RIPOR2: variants seen among roughly 807,000 people sequenced by gnomAD.
The protein encoded by RIPOR2 is rho family-interacting cell polarization regulator 2.
RIPOR2 carries 39 observed loss-of-function variants against 114.5 expected under a neutral mutation model. That is an observed-to-expected ratio of 0.34 (90% confidence interval 0.26 to 0.44). The LOEUF (loss-of-function observed/expected upper bound fraction) is 0.44, where lower values mean the gene tolerates loss of function less well. RIPOR2 is among the 20% of genes least tolerant of loss of function. The probability of loss-of-function intolerance (pLI) is 1.00; values close to 1 mark genes in which losing one functional copy is unlikely to be tolerated. For missense variants in RIPOR2, 1,007 were observed against 1,255.1 expected, an observed-to-expected ratio of 0.80 and a Z score of 2.99; for synonymous variants, 445 against 484.4, an observed-to-expected ratio of 0.92 and a Z score of 1.07.
intron 6 of RIPOR2, among the ~76,000 whole-genome samples, chr6:24,867,573 A>C (rs1764736680): frequency 6.6e-6 from 1 of 152,086 alleles, no homozygotes; most frequent in Non-Finnish European, 1.5e-5. Flanking sequence ...AAAGTTTCTG[A>C]GCTTGTTATC....
At chr6:24,924,472 T>C (rs6925479) in intron 1 of RIPOR2, among the ~76,000 whole-genome samples, 4,681 of 152,250 alleles carry the variant, frequency 0.031, 207 homozygotes, top group African/African-American at 0.1. Context: ...CCTGATTTAC[T>C]GTTGGGCTGA....
intron 1 of RIPOR2, among the ~76,000 whole-genome samples, chr6:25,022,364 T>C (rs1038845326): frequency 6.6e-6 from 1 of 152,100 alleles, no homozygotes; most frequent in Non-Finnish European, 1.5e-5. Flanking sequence ...CTTAGGATAA[T>C]GCATTTGAGA....
intron 1 of RIPOR2, among the ~76,000 whole-genome samples, chr6:24,904,344 G>T (rs748766179): frequency 6.6e-6 from 1 of 152,072 alleles, no homozygotes; most frequent in Non-Finnish European, 1.5e-5. Flanking sequence ...TTCCCTTGTG[G>T]GTCCTTCCTC....
At chr6:24,848,340 T>C (rs1234474937) in intron 11 of RIPOR2, among the ~76,000 whole-genome samples, 186 bp from the exon 12 acceptor site, 3 of 152,204 alleles carry the variant, frequency 2.0e-5, no homozygotes, top group African/African-American at 4.8e-5. Flanking sequence ...AGCAGAAAAC[T>C]GAGTCTAGAC....
At chr6:24,995,653 T>C (rs570947898) in intron 1 of RIPOR2, among the ~76,000 whole-genome samples, 2 of 152,236 alleles carry the variant, frequency 1.3e-5, no homozygotes, top group African/African-American at 2.4e-5. Context: ...GTACCTCTTA[T>C]ATGTTCTCAA....
At chr6:24,972,569 G>A (rs1161619984) in intron 1 of RIPOR2, among the ~76,000 whole-genome samples, 2 of 152,188 alleles carry the variant, frequency 1.3e-5, no homozygotes, top group Non-Finnish European at 2.9e-5. Context: ...TATGTGGGTA[G>A]GCTTCAGGGG....
At chr6:25,005,395 G>A (rs1536767) in intron 1 of RIPOR2, among the ~76,000 whole-genome samples, 11 of 151,840 alleles carry the variant, frequency 7.2e-5, no homozygotes, top group African/African-American at 2.4e-4. Flanking sequence ...GTCATAGAGC[G>A]ACCTGCACAG....
At chr6:24,992,710 C>T (rs1329809876) in intron 1 of RIPOR2, among the ~76,000 whole-genome samples, 1 of 152,222 alleles carries the variant, frequency 6.6e-6, no homozygotes, top group East Asian at 1.9e-4. Flanking sequence ...GAACTAGAAA[C>T]AACTATTTTA....
At chr6:24,938,436 A>G (rs908532569), upstream of RIPOR2, among the ~76,000 whole-genome samples, 1 of 152,200 alleles carries the variant, frequency 6.6e-6, no homozygotes, top group African/African-American at 2.4e-5. Context: ...TGCTTAAGCC[A>G]CCCAGTTTGT....
At chr6:24,988,671 G>GTC (rs775153690) in intron 1 of RIPOR2, among the ~76,000 whole-genome samples, 17 of 148,750 alleles carry the variant, frequency 1.1e-4, no homozygotes, top group East Asian at 7.7e-4. Flanking sequence ...ACATCTGGTT[G>GTC]TGTGTGTGTG....
At chr6:24,937,203 A>G (rs1488701128), upstream of RIPOR2, among the ~76,000 whole-genome samples, 2 of 152,184 alleles carry the variant, frequency 1.3e-5, no homozygotes, top group African/African-American at 4.8e-5. Flanking sequence ...GGGATCACCA[A>G]TTGTTGTCAA....
chr6:25,024,154 C>T, intron 1 of RIPOR2: 1 of 1,132,386 alleles, frequency 8.8e-7, no homozygotes, highest in Non-Finnish European at 1.3e-6. Flanking sequence ...CGGGACACCC[C>T]CTCCTGCTGG....
chr6:24,873,597 C>T lies in RIPOR2; in HGVS notation c.344+47G>A, dbSNP rs766806557. 3 of 1,556,346 alleles carry T rather than the reference C, an allele frequency of 1.9e-6. No homozygotes were observed. The East Asian group carries it at 6.8e-5, about 35-fold the overall frequency. ...TCTCATAAGACCAGCTTTTCTCTGA[C>T]CCCTTGGGTCTTTCCTTAAAGTACA... is the stretch of plus-strand genomic sequence containing the variant. On this transcript the variant is annotated intron_variant, in intron 3 of 21. Coordinates refer to ENST00000643898, the MANE Select transcript of RIPOR2 (RefSeq NM_001286445.3).
upstream of RIPOR2, chr6:24,936,033 GA>G (rs1455652310): frequency 1.6e-6 from 1 of 634,752 alleles, no homozygotes; most frequent in East Asian, 2.8e-5. Flanking sequence ...CTGCCCTGAA[GA>G]AAGCAGTTTC....
At chr6:24,864,253 C>A (rs1289163012) in intron 7 of RIPOR2, among the ~76,000 whole-genome samples, 1 of 152,124 alleles carries the variant, frequency 6.6e-6, no homozygotes, top group Non-Finnish European at 1.5e-5. Context: ...TCACTTGAAC[C>A]CGGGAGGCAG....
In RIPOR2 at chr6:24,848,750, C is replaced by T. The variant is rs533616347; in HGVS notation, c.1035-596G>A. Among the ~76,000 whole-genome samples the T allele has an allele frequency of 5.3e-5, 8 of 152,284 alleles. No individual in the cohort carries two copies. The South Asian group carries it at 1.7e-3, about 32-fold the overall frequency. On this transcript the variant is annotated intron_variant, in intron 11 of 21. Coordinates refer to ENST00000643898, the MANE Select transcript of RIPOR2 (RefSeq NM_001286445.3). ...AGATTGTGGGGAGGGAAGGGCTGAGCAAAGCATGCTGATGATGACAAAGCA... is the reference window on the plus strand; with the variant it reads ...AGATTGTGGGGAGGGAAGGGCTGAGTAAAGCATGCTGATGATGACAAAGCA...
At chr6:24,959,126 C>T (rs1407881167) in intron 1 of RIPOR2, among the ~76,000 whole-genome samples, 1 of 151,964 alleles carries the variant, frequency 6.6e-6, no homozygotes, top group African/African-American at 2.4e-5. Flanking sequence ...CTTCTGCTTC[C>T]ATCTTCACAT....
chr6:24,977,480 T>C (rs1774117494), intron 1 of RIPOR2, among the ~76,000 whole-genome samples: 1 of 152,200 alleles, frequency 6.6e-6, no homozygotes, highest in African/African-American at 2.4e-5. Flanking sequence ...TCTAAGAGCC[T>C]ATTCTATCAG....
In RIPOR2 at chr6:24,843,568, A is replaced by G. The variant is rs762539893; in HGVS notation, c.1165-14T>C. The G allele has an allele frequency of 2.1e-6, 3 of 1,454,482 alleles. No homozygotes were observed. The highest frequency in any genetic ancestry group is 2.8e-6 in the Non-Finnish European group (3 of 1,088,780). The allele number at this position is 1,454,482 out of a possible 1,614,324, so 90.1% of individuals were successfully genotyped here. On this transcript the variant is annotated splice_polypyrimidine_tract_variant and intron_variant, in intron 12 of 21. Transcript: ENST00000643898. ...AGGTAGATTTGACTATAGATAAAAGATACCTCATTATTATTTTCAATACAA... is the reference window on the plus strand; with the variant it reads ...AGGTAGATTTGACTATAGATAAAAGGTACCTCATTATTATTTTCAATACAA...
Sources: allele counts gnomAD v4.1 joint callset (sites outside exome capture counted in the v4.1 genomes callset), GRCh38; gene constraint gnomAD v4.1.1; transcripts MANE v1.5; gene names NCBI Gene and HGNC (gene_info 2026-07-23, HGNC 2026-07-21).